Variants in MIR2052HG observed in about 807,000 individuals in gnomAD.
MIR2052HG encodes MIR2052 host gene.
At chr8:74,661,328 G>A (rs978792511) in intron 2 of MIR2052HG, among the ~76,000 whole-genome samples, 15 of 151,108 alleles carry the variant, frequency 9.9e-5, no homozygotes, top group African/African-American at 2.9e-4. Context: ...TCAGCCTCCC[G>A]AGTAGCTGGG....
chr8:74,668,303 G>C (rs1808953790), intron 2 of MIR2052HG, among the ~76,000 whole-genome samples: 1 of 151,608 alleles, frequency 6.6e-6, no homozygotes, highest in Non-Finnish European at 1.5e-5. Context: ...ATGCCAAGAA[G>C]AACAAGCAGA....
chr8:74,623,597 C>T (rs1808396521), intron 2 of MIR2052HG, among the ~76,000 whole-genome samples: 1 of 152,148 alleles, frequency 6.6e-6, no homozygotes, highest in African/African-American at 2.4e-5. Flanking sequence ...TTTTAAATGG[C>T]ACATCTTTCA....
intron 1 of MIR2052HG, among the ~76,000 whole-genome samples, chr8:74,604,542 T>A (rs1324383269): frequency 7.4e-6 from 1 of 134,868 alleles, no homozygotes; most frequent in African/African-American, 2.8e-5. Flanking sequence ...GGGTGCAGAC[T>A]GCGGCTGCTC....
chr8:74,661,327 C>G (rs28674972), intron 2 of MIR2052HG, among the ~76,000 whole-genome samples: 1 of 151,900 alleles, frequency 6.6e-6, no homozygotes, highest in Non-Finnish European at 1.5e-5. Flanking sequence ...CTCAGCCTCC[C>G]GAGTAGCTGG....
intron 2 of MIR2052HG, among the ~76,000 whole-genome samples, chr8:74,667,425 A>G (rs941130908): frequency 2.0e-5 from 3 of 152,234 alleles, no homozygotes; most frequent in Admixed American, 6.5e-5. Flanking sequence ...CCTAAAATCT[A>G]GAAGTTCTCT....
At chr8:74,648,727 G>A (rs751363069) in intron 2 of MIR2052HG, among the ~76,000 whole-genome samples, 41 of 152,114 alleles carry the variant, frequency 2.7e-4, no homozygotes, top group African/African-American at 4.8e-4. Context: ...TGGTTCCCCC[G>A]ATACGTATTA....
intron 2 of MIR2052HG, among the ~76,000 whole-genome samples, chr8:74,659,981 A>C (rs561982645): frequency 6.6e-6 from 1 of 152,270 alleles, no homozygotes; most frequent in Admixed American, 6.5e-5. Context: ...AGAAACAGAG[A>C]TATGCATAGA....
chr8:74,647,204 G>GT (rs1808697837), intron 2 of MIR2052HG, among the ~76,000 whole-genome samples: 1 of 152,072 alleles, frequency 6.6e-6, no homozygotes, highest in East Asian at 1.9e-4. Flanking sequence ...TACACACATG[G>GT]TATTTCAGCA....
At chr8:74,755,950 G>T (rs557353847) in intron 5 of MIR2052HG, among the ~76,000 whole-genome samples, 1 of 152,164 alleles carries the variant, frequency 6.6e-6, no homozygotes, top group Admixed American at 6.5e-5. Context: ...TGGAGTTGGT[G>T]GTACAGGCTC....
At chr8:74,726,978 A>G (rs1172343316) in intron 4 of MIR2052HG, among the ~76,000 whole-genome samples, 1 of 152,218 alleles carries the variant, frequency 6.6e-6, no homozygotes, top group Non-Finnish European at 1.5e-5. Context: ...TGAATTGAAA[A>G]TGAACATTAC....
chr8:74,608,163 C>T (rs1284582099), intron 1 of MIR2052HG, among the ~76,000 whole-genome samples: 1 of 151,944 alleles, frequency 6.6e-6, no homozygotes, highest in Non-Finnish European at 1.5e-5. Flanking sequence ...ACTGTTAACT[C>T]TTGGATCACC....
intron 4 of MIR2052HG, among the ~76,000 whole-genome samples, chr8:74,749,859 A>AAT (rs1809926733): frequency 6.6e-6 from 1 of 151,772 alleles, no homozygotes; most frequent in African/African-American, 2.4e-5. Flanking sequence ...AAAAAAAAAA[A>AAT]AAAAAAAGTA....
intron 2 of MIR2052HG, among the ~76,000 whole-genome samples, chr8:74,666,746 C>A (rs1307349129): frequency 2.0e-5 from 3 of 152,216 alleles, no homozygotes; most frequent in Non-Finnish European, 1.5e-5. Context: ...TACTCTCCCA[C>A]CAACAGTGTA....
chr8:74,620,066 G>T (rs961995905), intron 2 of MIR2052HG, among the ~76,000 whole-genome samples: 1 of 152,204 alleles, frequency 6.6e-6, no homozygotes, highest in African/African-American at 2.4e-5. Flanking sequence ...GGGGCTACAG[G>T]CCCTGTGCGA....
rs559107111 is a variant in MIR2052HG at position 74,647,989 on chromosome 8, G to A, written n.216+35049G>A. On this transcript the variant is annotated intron_variant and non_coding_transcript_variant, in intron 2 of 6. Transcript: ENST00000523442. ...TGTACAAATTGATTGTAAAATATGT[G>A]TGTTTGAACAATATGAAATCAGTGC... is the stretch of plus-strand genomic sequence containing the variant. Among the ~76,000 whole-genome samples the A allele has an allele frequency of 3.9e-4, 59 of 152,208 alleles. 2 individuals are homozygous for A. In the South Asian group the frequency reaches 0.01, roughly 26 times the overall value.
At chr8:74,699,649 T>C (rs1809338335) in intron 2 of MIR2052HG, among the ~76,000 whole-genome samples, 1 of 151,454 alleles carries the variant, frequency 6.6e-6, no homozygotes. Flanking sequence ...GGCTGGGAGG[T>C]GGGGCGAGGG....
chr8:74,719,213 T>A (rs1293118234), intron 4 of MIR2052HG, among the ~76,000 whole-genome samples: 1 of 152,140 alleles, frequency 6.6e-6, no homozygotes, highest in Non-Finnish European at 1.5e-5. Flanking sequence ...TCAGGGTGAC[T>A]CTAGCAATTT....
intron 4 of MIR2052HG, among the ~76,000 whole-genome samples, chr8:74,734,678 C>T (rs1045375888): frequency 2.6e-5 from 4 of 152,236 alleles, no homozygotes; most frequent in Admixed American, 2.0e-4. Flanking sequence ...CGTGCTGGCA[C>T]GGTGACACCC....
At chr8:74,735,458 C>A (rs554457801) in intron 4 of MIR2052HG, among the ~76,000 whole-genome samples, 1 of 152,280 alleles carries the variant, frequency 6.6e-6, no homozygotes. Context: ...TGAGTGCAGG[C>A]GATTTGGCCA....
Sources: gnomAD v4.1 joint callset for allele counts (sites outside exome capture counted in the v4.1 genomes callset) on GRCh38, gnomAD v4.1.1 for gene constraint, MANE v1.5 for transcripts, NCBI Gene and HGNC (gene_info 2026-07-23, HGNC 2026-07-21) for gene names.